PXT1: variants seen among roughly 807,000 people sequenced by gnomAD.
PXT1 encodes the protein peroxisomal testis-specific protein 1.
In PXT1, 11 loss-of-function variants were observed where a neutral mutation model predicts 11.0. The ratio of observed to expected loss-of-function variants is 1.00; its 90% CI spans 0.63 to 1.66. The LOEUF (loss-of-function observed/expected upper bound fraction) is 1.66, where lower values mean the gene tolerates loss of function less well. Among genes scored for constraint, PXT1 ranks in the 40% most tolerant of loss-of-function variants. The pLI, the probability that PXT1 is intolerant of heterozygous loss-of-function variation, is 0.00. For synonymous variants in PXT1, 43 were observed against 51.4 expected (o/e 0.84, Z 0.70); for missense variants, 141 against 155.5 (o/e 0.91, Z 0.49).
At chr6:36,426,779 G>A (rs763560852) in intron 2 of PXT1, among the ~76,000 whole-genome samples, 9 of 152,088 alleles carry the variant, frequency 5.9e-5, no homozygotes, top group African/African-American at 9.7e-5. Flanking sequence ...AAAACCTAGA[G>A]AGGCGGAGAG....
chr6:36,413,397 A>C (rs961721068), intron 3 of PXT1, among the ~76,000 whole-genome samples: 4 of 148,138 alleles, frequency 2.7e-5, no homozygotes, highest in Non-Finnish European at 4.5e-5. Context: ...AGCCTAGGTG[A>C]CAGAGCGAGA....
rs545984335 is a variant in PXT1 at position 36,429,979 on chromosome 6, G to T, written c.-9-3888C>A. On this transcript the variant is annotated intron_variant, in intron 2 of 4. Transcript: ENST00000454782. Reference sequence around the variant, plus strand: ...TTTGGGAGGCCCAGATAGGTGGATAGGTGGATCACTTGAGATCAGGAGCTC... The same window carrying T: ...TTTGGGAGGCCCAGATAGGTGGATATGTGGATCACTTGAGATCAGGAGCTC... 1.9e-4 allele frequency among the ~76,000 whole-genome samples: 29 copies of T among 152,056 alleles called. No individual in the cohort carries two copies. In the East Asian group the frequency reaches 4.5e-3, roughly 24 times the overall value.
At chr6:36,424,490 A>T (rs62402161) in intron 3 of PXT1, among the ~76,000 whole-genome samples, 3,656 of 152,006 alleles carry the variant, frequency 0.024, 50 homozygotes, top group Non-Finnish European at 0.027. Context: ...AAATACAAAA[A>T]TGAGCCGGGC....
intron 3 of PXT1, among the ~76,000 whole-genome samples, chr6:36,408,839 C>A (rs1016227525): frequency 6.6e-6 from 1 of 151,886 alleles, no homozygotes; most frequent in Non-Finnish European, 1.5e-5. Context: ...CATGATCATG[C>A]CACTGCACCC....
intron 3 of PXT1, among the ~76,000 whole-genome samples, chr6:36,416,185 G>A (rs2395652): frequency 0.47 from 69,803 of 149,960 alleles, 16,796 homozygotes; most frequent in Middle Eastern, 0.58. Flanking sequence ...AAAAAGAAAA[G>A]AAAAGAAAAG....
intron 2 of PXT1, among the ~76,000 whole-genome samples, chr6:36,427,168 A>C (rs1774620991): frequency 6.6e-6 from 1 of 151,402 alleles, no homozygotes; most frequent in Non-Finnish European, 1.5e-5. Context: ...ATGCCCAGCT[A>C]ATTTTTATAT....
chr6:36,437,113 CCT>C (rs1235274070), intron 2 of PXT1, among the ~76,000 whole-genome samples: 1 of 152,038 alleles, frequency 6.6e-6, no homozygotes, highest in Non-Finnish European at 1.5e-5. Flanking sequence ...CGGTGAAACC[CCT>C]GTCTCTACTA....
intron 3 of PXT1, among the ~76,000 whole-genome samples, chr6:36,408,034 T>C (rs1340282500): frequency 6.6e-6 from 1 of 150,842 alleles, no homozygotes; most frequent in Non-Finnish European, 1.5e-5. Context: ...CGATCTTGGC[T>C]CACCGCAACC....
chr6:36,404,035 A>G (rs1774252955), intron 3 of PXT1, among the ~76,000 whole-genome samples: 1 of 152,222 alleles, frequency 6.6e-6, no homozygotes, highest in African/African-American at 2.4e-5. Context: ...GAGAGTTTAT[A>G]AGGGTGATGA....
chr6:36,399,327 A>T (rs1774184100), intron 4 of PXT1, among the ~76,000 whole-genome samples: 1 of 152,018 alleles, frequency 6.6e-6, no homozygotes, highest in Admixed American at 6.6e-5. Flanking sequence ...TGTGTTTTTC[A>T]GTAGAGACGG....
chr6:36,427,103 A>G (rs992405275), intron 2 of PXT1, among the ~76,000 whole-genome samples: 2 of 151,446 alleles, frequency 1.3e-5, no homozygotes, highest in Admixed American at 1.3e-4. Context: ...CCTGGGTTCA[A>G]GCAATTCTCC....
chr6:36,427,049 G>T (rs1242816075), intron 2 of PXT1, among the ~76,000 whole-genome samples: 4 of 144,582 alleles, frequency 2.8e-5, no homozygotes, highest in African/African-American at 1.0e-4. Context: ...TTGCTCTGTC[G>T]CCCAGGCTGG....
chr6:36,439,464 T>C (rs1035307025), intron 1 of PXT1, among the ~76,000 whole-genome samples: 1 of 151,106 alleles, frequency 6.6e-6, no homozygotes, highest in African/African-American at 2.4e-5. Context: ...ATAAAAAAAA[T>C]TAGCTGGGCA....
chr6:36,391,943 G>A, intron 4 of PXT1, 69 bp from the exon 5 acceptor site: 2 of 993,682 alleles, frequency 2.0e-6, no homozygotes, highest in South Asian at 1.4e-5. Context: ...ATAATCCAAA[G>A]TTAAAAATTC....
chr6:36,412,487 C>G (rs1180173870), intron 3 of PXT1, among the ~76,000 whole-genome samples: 2 of 151,982 alleles, frequency 1.3e-5, no homozygotes, highest in African/African-American at 4.8e-5. Flanking sequence ...TGGTGAAACC[C>G]CGTCTCTACT....
At chr6:36,435,535 C>T (rs1174640681) in intron 2 of PXT1, among the ~76,000 whole-genome samples, 1 of 152,102 alleles carries the variant, frequency 6.6e-6, no homozygotes, top group African/African-American at 2.4e-5. Flanking sequence ...GCACTCTAGC[C>T]TGGGTGACAG....
intron 3 of PXT1, among the ~76,000 whole-genome samples, chr6:36,415,709 C>A (rs1774436971): frequency 6.6e-6 from 1 of 152,068 alleles, no homozygotes; most frequent in South Asian, 2.1e-4. Flanking sequence ...GAGTCTTGAG[C>A]AGGTTTGCAG....
chr6:36,439,835 G>A (rs1178660264), intron 1 of PXT1, among the ~76,000 whole-genome samples: 1 of 152,082 alleles, frequency 6.6e-6, no homozygotes, highest in African/African-American at 2.4e-5. Flanking sequence ...AGCCTCCGCC[G>A]AAACCCAGCG....
At chr6:36,412,763 T>C (rs1269108768) in intron 3 of PXT1, among the ~76,000 whole-genome samples, 3 of 151,896 alleles carry the variant, frequency 2.0e-5, no homozygotes, top group Non-Finnish European at 4.4e-5. Flanking sequence ...ACCTGGCCTG[T>C]TCAGAGAGAG....
Sources: allele counts gnomAD v4.1 joint callset (sites outside exome capture counted in the v4.1 genomes callset), GRCh38; gene constraint gnomAD v4.1.1; transcripts MANE v1.5; gene names NCBI Gene and HGNC (gene_info 2026-07-23, HGNC 2026-07-21).